The following GPHN variants were observed in gnomAD, a reference collection of about 807,000 sequenced individuals.
The protein encoded by GPHN is gephyrin.
A neutral mutation model predicts 95.5 loss-of-function variants in GPHN; 17 were observed. The observed-to-expected ratio is 0.18, with a 90% confidence interval of 0.12 to 0.27. The LOEUF (loss-of-function observed/expected upper bound fraction) is 0.27, where lower values mean the gene tolerates loss of function less well. Ranked by LOEUF, GPHN falls within the 10% of genes least tolerant of loss-of-function variation. The pLI is 1.00. For synonymous variants in GPHN, 320 were observed against 322.5 expected (o/e 0.99, Z 0.08); for missense variants, 660 against 978.1 (o/e 0.67, Z 4.34).
chr14:66,541,538 A>C (rs927248275), intron 1 of GPHN, among the ~76,000 whole-genome samples: 1 of 152,230 alleles, frequency 6.6e-6, no homozygotes, highest in Non-Finnish European at 1.5e-5. Flanking sequence ...ATTTATTTGT[A>C]TAAATATTTT....
chr14:66,936,009 T>C lies in GPHN; in HGVS notation c.828+11717T>C, dbSNP rs117324114. Among the ~76,000 whole-genome samples the C allele has an allele frequency of 6.8e-3, 1,031 of 152,264 alleles. 1 individual carries two copies. Among genetic ancestry groups the C allele is most frequent in the Non-Finnish European group, 0.012 (819 of 68,012 alleles). On this transcript the variant is annotated intron_variant, in intron 8 of 22. Coordinates refer to ENST00000478722, the MANE Select transcript of GPHN (RefSeq NM_020806.5). ...ATGGGAATTCTTGACTACTCTGCTATAGCACCTTTCATAAAAGAAAAAGTA... is the reference window on the plus strand; with the variant it reads ...ATGGGAATTCTTGACTACTCTGCTACAGCACCTTTCATAAAAGAAAAAGTA...
intron 3 of GPHN, among the ~76,000 whole-genome samples, chr14:66,809,440 C>A (rs970369216): frequency 2.6e-5 from 4 of 152,040 alleles, no homozygotes; most frequent in African/African-American, 9.7e-5. Flanking sequence ...AAAGTACTTA[C>A]ATAGTAAAGG....
intron 5 of GPHN, among the ~76,000 whole-genome samples, chr14:66,891,029 G>T (rs1215772936): frequency 6.6e-6 from 1 of 152,150 alleles, no homozygotes; most frequent in Non-Finnish European, 1.5e-5. Flanking sequence ...ACAAGATGGG[G>T]ATGCCCACTT....
At chr14:67,371,132 A>C in the GPHN span, among the ~76,000 whole-genome samples, 1 of 152,138 alleles carries the variant, frequency 6.6e-6, no homozygotes. Flanking sequence ...TTAAGGAGGT[A>C]GGCCAGGCAC....
chr14:66,562,305 C>T (rs1434081619), intron 1 of GPHN, among the ~76,000 whole-genome samples: 1 of 152,074 alleles, frequency 6.6e-6, no homozygotes. Flanking sequence ...GAAAATTATT[C>T]AGACAGTAGG....
chr14:67,150,620 T>C lies in GPHN; in HGVS notation c.1836+7171T>C, dbSNP rs577424629. ...TAGGAAAAACCCAAGTGAAATAAAA[T>C]GTATACTTGTGTTATACTTAAGATT... On this transcript the variant is annotated intron_variant, in intron 18 of 22. Coordinates refer to ENST00000478722, the MANE Select transcript of GPHN (RefSeq NM_020806.5). Among the ~76,000 whole-genome samples the C allele has an allele frequency of 3.3e-5, 5 of 152,220 alleles. No homozygotes were observed. In the East Asian group the frequency reaches 7.7e-4, roughly 23 times the overall value.
chr14:67,393,673 C>A, the GPHN span, among the ~76,000 whole-genome samples: 2 of 152,038 alleles, frequency 1.3e-5, no homozygotes, highest in African/African-American at 4.8e-5. Flanking sequence ...AGGCTGGTCT[C>A]GAACTCCTGA....
chr14:67,244,298 ATG>A, the GPHN span, among the ~76,000 whole-genome samples: 2 of 152,204 alleles, frequency 1.3e-5, 1 homozygote, highest in Middle Eastern at 6.3e-3. Flanking sequence ...ATAGGTTGAT[ATG>A]TGTTTTCAAC....
intron 1 of GPHN, among the ~76,000 whole-genome samples, chr14:66,628,177 G>GA (rs2063594012): frequency 6.6e-6 from 1 of 152,070 alleles, no homozygotes; most frequent in Non-Finnish European, 1.5e-5. Flanking sequence ...GCAAAGTTAT[G>GA]AAAAACACCA....
chr14:67,707,849 T>C, the GPHN span, among the ~76,000 whole-genome samples: 1 of 152,174 alleles, frequency 6.6e-6, no homozygotes, highest in Non-Finnish European at 1.5e-5. Context: ...TGACATTCTT[T>C]ACCTACCACA....
chr14:66,996,081 G>A (rs2071769647), intron 9 of GPHN: 2 of 766,474 alleles, frequency 2.6e-6, no homozygotes, highest in South Asian at 3.0e-5. Context: ...ATCTGGCCAA[G>A]TGTGTTGGTG....
At chr14:66,549,251 A>G (rs571731727) in intron 1 of GPHN, among the ~76,000 whole-genome samples, 1 of 152,266 alleles carries the variant, frequency 6.6e-6, no homozygotes, top group South Asian at 2.1e-4. Context: ...TGAACAGATT[A>G]TTTTGTCACC....
the GPHN span, among the ~76,000 whole-genome samples, chr14:67,704,359 A>AT: frequency 6.6e-6 from 1 of 152,172 alleles, no homozygotes; most frequent in African/African-American, 2.4e-5. Flanking sequence ...TTTTAAAATA[A>AT]TTTTTTTAGA....
chr14:67,374,659 C>A, the GPHN span: 1 of 664,092 alleles, frequency 1.5e-6, no homozygotes, highest in South Asian at 3.5e-5. Flanking sequence ...ATCTAATATT[C>A]TCAAATTAGT....
At chr14:66,586,067 G>A (rs970381669) in intron 1 of GPHN, among the ~76,000 whole-genome samples, 1 of 152,150 alleles carries the variant, frequency 6.6e-6, no homozygotes, top group African/African-American at 2.4e-5. Flanking sequence ...ATGAATCTGG[G>A]TGCTCCTGTA....
intron 2 of GPHN, among the ~76,000 whole-genome samples, chr14:66,698,740 G>A (rs2068293181): frequency 1.3e-5 from 2 of 152,062 alleles, no homozygotes; most frequent in Admixed American, 1.3e-4. Flanking sequence ...TATGTGTTGG[G>A]GATTGTTCCA....
intron 9 of GPHN, among the ~76,000 whole-genome samples, chr14:67,009,551 T>C (rs1463163954): frequency 6.6e-6 from 1 of 152,100 alleles, no homozygotes; most frequent in Admixed American, 6.5e-5. Flanking sequence ...ACAGTTGTTC[T>C]ATGGTAGACT....
intron 8 of GPHN, among the ~76,000 whole-genome samples, chr14:66,933,958 G>T (rs1011655175): frequency 6.6e-6 from 1 of 151,780 alleles, no homozygotes; most frequent in Non-Finnish European, 1.5e-5. Flanking sequence ...GGGCAACATG[G>T]CAAAACCCCA....
intron 2 of GPHN, among the ~76,000 whole-genome samples, chr14:66,721,812 A>C (rs1024005609): frequency 6.6e-6 from 1 of 151,966 alleles, no homozygotes; most frequent in Non-Finnish European, 1.5e-5. Context: ...TTAGCTGGGC[A>C]TGTTAGTGCC....
Sources: allele counts gnomAD v4.1 joint callset (sites outside exome capture counted in the v4.1 genomes callset), GRCh38; gene constraint gnomAD v4.1.1; transcripts MANE v1.5; gene names NCBI Gene and HGNC (gene_info 2026-07-23, HGNC 2026-07-21).